SPATA9: variants seen among roughly 807,000 people sequenced by gnomAD.
SPATA9 encodes the protein spermatogenesis associated 9.
A neutral mutation model predicts 25.5 loss-of-function variants in SPATA9; 27 were observed. That is an observed-to-expected ratio of 1.06 (90% CI 0.78 to 1.46). SPATA9 has a LOEUF of 1.46. Among genes scored for constraint, SPATA9 ranks in the 40% most tolerant of loss-of-function variants. The probability of loss-of-function intolerance (pLI) is 0.00; values close to 1 mark genes in which losing one functional copy is unlikely to be tolerated. For missense variants in SPATA9, 282 were observed against 297.5 expected, an observed-to-expected ratio of 0.95 and a Z score of 0.38; for synonymous variants, 102 against 105.7, an observed-to-expected ratio of 0.97 and a Z score of 0.21.
chr5:95,653,986 T>A (rs1750540883), downstream of SPATA9: 1 of 1,244,434 alleles, frequency 8.0e-7, no homozygotes, highest in African/African-American at 1.5e-5. Flanking sequence ...CTATTCATTC[T>A]TAGGGTTATC....
intron 4 of SPATA9, among the ~76,000 whole-genome samples, chr5:95,661,116 C>T (rs113919961): frequency 1.3e-5 from 2 of 152,126 alleles, no homozygotes; most frequent in African/African-American, 4.8e-5. Flanking sequence ...CTAATGGACA[C>T]TTCAAATCTT....
chr5:95,667,646 G>C (rs1396270618), intron 3 of SPATA9, among the ~76,000 whole-genome samples: 3 of 152,130 alleles, frequency 2.0e-5, no homozygotes, highest in African/African-American at 7.2e-5. Context: ...AGAGTGAAAA[G>C]GTTCTTAAGC....
At chr5:95,654,479 C>T, downstream of SPATA9, 1 of 734,992 alleles carries the variant, frequency 1.4e-6, no homozygotes, top group Non-Finnish European at 2.2e-6. Context: ...TCCAAGTATT[C>T]TGGGAATTCA....
At chr5:95,700,299 A>G (rs982696865), upstream of SPATA9, among the ~76,000 whole-genome samples, 16 of 152,144 alleles carry the variant, frequency 1.1e-4, no homozygotes, top group Non-Finnish European at 1.8e-4. Flanking sequence ...TACATTTAAA[A>G]AAAATTTTTT....
At chr5:95,731,338 C>T in the SPATA9 span, 4 of 1,106,056 alleles carry the variant, frequency 3.6e-6, no homozygotes, top group Non-Finnish European at 4.4e-6. Context: ...GCAGCGGCAG[C>T]AGGAGGCGAC....
intron 1 of SPATA9, among the ~76,000 whole-genome samples, chr5:95,693,650 A>T (rs951419410): frequency 1.3e-5 from 2 of 152,218 alleles, no homozygotes; most frequent in Non-Finnish European, 2.9e-5. Context: ...ATTCTGCAAC[A>T]CTTGAAAAAG....
chr5:95,688,806 A>ACC (rs1376895345), intron 1 of SPATA9, among the ~76,000 whole-genome samples: 1 of 152,128 alleles, frequency 6.6e-6, no homozygotes, highest in Admixed American at 6.5e-5. Flanking sequence ...TCATAGCTTA[A>ACC]CCTTCACCAC....
chr5:95,674,813 T>G (rs1422080016), intron 3 of SPATA9: 2 of 456,564 alleles, frequency 4.4e-6, no homozygotes, highest in African/African-American at 2.0e-5. Context: ...TCAAATTAAT[T>G]TGTCCTGCAG....
At chr5:95,689,350 A>C (rs1178513394) in intron 1 of SPATA9, among the ~76,000 whole-genome samples, 1 of 152,250 alleles carries the variant, frequency 6.6e-6, no homozygotes, top group Non-Finnish European at 1.5e-5. Context: ...AGTATTGATA[A>C]ATACATGAGT....
At chr5:95,679,604 G>A (rs1753247181) in intron 2 of SPATA9, among the ~76,000 whole-genome samples, 1 of 152,142 alleles carries the variant, frequency 6.6e-6, no homozygotes, top group Non-Finnish European at 1.5e-5. Context: ...CCCAAGAGAG[G>A]GCCGGCCAAA....
At chr5:95,672,382 A>T (rs1752475284) in intron 3 of SPATA9, among the ~76,000 whole-genome samples, 1 of 152,110 alleles carries the variant, frequency 6.6e-6, no homozygotes, top group Admixed American at 6.5e-5. Context: ...GATTGGTCTC[A>T]GGTTGCTGGA....
chr5:95,654,859 CTG>C (rs146609685), downstream of SPATA9, among the ~76,000 whole-genome samples: 6,816 of 152,006 alleles, frequency 0.045, 206 homozygotes, highest in Middle Eastern at 0.082. Flanking sequence ...ACTGTATACA[CTG>C]TGCATAATTT....
chr5:95,697,607 G>A (rs1247826983), intron 1 of SPATA9, among the ~76,000 whole-genome samples: 2 of 152,120 alleles, frequency 1.3e-5, no homozygotes, highest in East Asian at 1.9e-4. Context: ...TCTCTTGTAG[G>A]GCGCTGTATT....
rs988526740 is a variant in SPATA9, at chr5:95,682,864, T to A, written c.-10A>T. On this transcript the variant is annotated 5_prime_UTR_variant, in exon 1 of 5. It adds an upstream start codon to the 5' untranslated region. Coordinates refer to ENST00000274432, the MANE Select transcript of SPATA9 (RefSeq NM_031952.4). ...CAGGTTTGATTGGCATGGTGAGTTC[T>A]TGCTTGGGTTCCTAGTCCTTAACAA... 6.6e-6 allele frequency: 10 copies of A among 1,514,822 alleles called. No homozygotes were observed. Among genetic ancestry groups the A allele is most frequent in the Admixed American group, 2.3e-5 (1 of 43,326 alleles). The allele number at this position is 1,514,822 out of a possible 1,614,324, so 93.8% of individuals were successfully genotyped here.
Position 95,670,768 on chromosome 5 carries a change from A to G in SPATA9, c.378+4644T>C, listed in dbSNP as rs907310647. 6 of 824,288 alleles carry G rather than the reference A, an allele frequency of 7.3e-6. 1 individual carries two copies. In the Admixed American group the frequency reaches 3.7e-4, roughly 51 times the overall value. The allele number at this position is 824,288 out of a possible 1,614,324, so 51.1% of individuals were successfully genotyped here. ...CTCTCAGCACACTCTGGTACCATGGATGCACTCCATTTACAGACCAATCCA... is the reference window on the plus strand; with the variant it reads ...CTCTCAGCACACTCTGGTACCATGGGTGCACTCCATTTACAGACCAATCCA... On this transcript the variant is annotated intron_variant, in intron 3 of 4. Coordinates refer to ENST00000274432, the MANE Select transcript of SPATA9 (RefSeq NM_031952.4).
intron 3 of SPATA9, among the ~76,000 whole-genome samples, chr5:95,673,651 A>G (rs1401571719): frequency 6.6e-6 from 1 of 152,222 alleles, no homozygotes; most frequent in Non-Finnish European, 1.5e-5. Context: ...AAGTCAAAAC[A>G]TTAGGTTTAG....
chr5:95,660,377 T>C (rs1427776847), intron 4 of SPATA9, among the ~76,000 whole-genome samples: 1 of 152,132 alleles, frequency 6.6e-6, no homozygotes, highest in Non-Finnish European at 1.5e-5. Flanking sequence ...ACATAAGAAT[T>C]TGGGGGAAGC....
chr5:95,653,637 G>A (rs572653358), downstream of SPATA9, among the ~76,000 whole-genome samples: 6 of 152,256 alleles, frequency 3.9e-5, no homozygotes, highest in Admixed American at 2.6e-4. Context: ...AGTGGCTCAC[G>A]CCTGTAATCC....
the SPATA9 span, chr5:95,731,856 C>A: frequency 1.2e-6 from 2 of 1,611,224 alleles, no homozygotes; most frequent in Non-Finnish European, 1.7e-6. Context: ...TCTGTCCGTG[C>A]AGGTCCATCC....
Sources: allele counts gnomAD v4.1 joint callset (sites outside exome capture counted in the v4.1 genomes callset), GRCh38; gene constraint gnomAD v4.1.1; transcripts MANE v1.5; gene names NCBI Gene and HGNC (gene_info 2026-07-23, HGNC 2026-07-21).